Variants in SLC4A7 observed in about 807,000 individuals in gnomAD.
SLC4A7 encodes the protein sodium bicarbonate cotransporter 3.
In SLC4A7, 51 loss-of-function variants were observed where a neutral mutation model predicts 137.6. The observed-to-expected ratio is 0.37, with a 90% CI of 0.30 to 0.47. The LOEUF (loss-of-function observed/expected upper bound fraction) is 0.47, where lower values mean the gene tolerates loss of function less well. Ranked by LOEUF, SLC4A7 falls within the 20% of genes least tolerant of loss-of-function variation. The pLI, the probability that SLC4A7 is intolerant of heterozygous loss-of-function variation, is 1.00. For synonymous variants in SLC4A7, 542 were observed against 518.6 expected, an observed-to-expected ratio of 1.05 and a Z score of -0.61; for missense variants, 1,247 against 1,525.4, an observed-to-expected ratio of 0.82 and a Z score of 3.04.
At chr3:27,468,482 G>A (rs2059100560) in intron 1 of SLC4A7, among the ~76,000 whole-genome samples, 1 of 152,184 alleles carries the variant, frequency 6.6e-6, no homozygotes, top group African/African-American at 2.4e-5. Flanking sequence ...TGAGGTGGAG[G>A]ATTGCTTGAG....
intron 5 of SLC4A7, 27 bp downstream of exon 5, chr3:27,436,361 A>G: frequency 6.3e-7 from 1 of 1,576,772 alleles, no homozygotes; most frequent in East Asian, 2.2e-5. Context: ...CACCTTACAT[A>G]TTTTTTAAAA....
chr3:27,426,540 G>A (rs182057228), intron 7 of SLC4A7, among the ~76,000 whole-genome samples: 9 of 152,132 alleles, frequency 5.9e-5, no homozygotes, highest in Admixed American at 2.0e-4. Context: ...CATACATAAC[G>A]CACAGTTTTC....
At chr3:27,392,956 T>C (rs903164914) in intron 20 of SLC4A7, among the ~76,000 whole-genome samples, 2 of 152,042 alleles carry the variant, frequency 1.3e-5, no homozygotes, top group African/African-American at 2.4e-5. Flanking sequence ...AAGACCAATA[T>C]AATGATATGA....
chr3:27,418,351 T>A, intron 11 of SLC4A7, 135 bp downstream of exon 11: 2 of 640,634 alleles, frequency 3.1e-6, no homozygotes, highest in South Asian at 2.1e-5. Context: ...CCACAGGAGG[T>A]AAGTATGGGG....
At chr3:27,471,146 C>T (rs114077931) in intron 1 of SLC4A7, among the ~76,000 whole-genome samples, 2,238 of 152,242 alleles carry the variant, frequency 0.015, 22 homozygotes, top group Middle Eastern at 0.041. Flanking sequence ...CTACTATTTG[C>T]AACGTATTGT....
intron 3 of SLC4A7, among the ~76,000 whole-genome samples, chr3:27,439,475 T>C (rs970276261): frequency 1.3e-5 from 2 of 152,216 alleles, no homozygotes; most frequent in African/African-American, 4.8e-5. Flanking sequence ...GCACAAATCT[T>C]TGTCAGAATG....
intron 1 of SLC4A7, among the ~76,000 whole-genome samples, chr3:27,463,692 C>T (rs778503457): frequency 2.6e-5 from 4 of 152,064 alleles, no homozygotes; most frequent in Non-Finnish European, 4.4e-5. Flanking sequence ...CGCCATTTGC[C>T]GGGGGGAAGA....
intron 3 of SLC4A7, among the ~76,000 whole-genome samples, chr3:27,438,977 A>C (rs529010460): frequency 6.6e-6 from 1 of 152,356 alleles, no homozygotes; most frequent in African/African-American, 2.4e-5. Context: ...AACCCGAAAC[A>C]GATGAATTAG....
At chr3:27,386,594 T>C (rs1411830524) in intron 22 of SLC4A7, among the ~76,000 whole-genome samples, 1 of 152,152 alleles carries the variant, frequency 6.6e-6, no homozygotes, top group African/African-American at 2.4e-5. Context: ...GTTTATGCAT[T>C]TATGAGTTCT....
Position 27,379,242 on chromosome 3 carries a change from T to A in SLC4A7, c.3698+7A>T. 1 of 1,463,240 alleles carries A rather than the reference T, an allele frequency of 6.8e-7. No homozygotes were observed. The highest frequency in any genetic ancestry group is 9.3e-7 in the Non-Finnish European group (1 of 1,080,356). The allele number at this position is 1,463,240 out of a possible 1,614,324, so 90.6% of individuals were successfully genotyped here. A position where few individuals can be genotyped will look rare whatever the true frequency, so the allele number is the denominator to read the frequency against. ...CAGTTAGAAAACACACAAATAGTTA[T>A]AACTACCTCATGTTAGATCTGGTTA... On this transcript the variant is annotated splice_region_variant and intron_variant, in intron 25 of 25. Coordinates refer to ENST00000454389, the MANE Select transcript of SLC4A7 (RefSeq NM_001321103.2).
rs370829741 is a variant in SLC4A7, at chr3:27,424,197, T to C, written c.1151-45A>G. 1.2e-5 allele frequency: 11 copies of C among 940,558 alleles called. No homozygotes were observed. The African/African-American group carries it at 1.7e-4, about 14-fold the overall frequency. 58.3% of individuals were successfully genotyped at this position (940,558 alleles called of 1,614,324 possible). A position where few individuals can be genotyped will look rare whatever the true frequency, so the allele number is the denominator to read the frequency against. ...CCAAATTAGTAAGGAGAAAATTCAC[T>C]TTGCAACCTGATTCTGCTCACATTC... On this transcript the variant is annotated intron_variant, in intron 7 of 25. Coordinates refer to ENST00000454389, the MANE Select transcript of SLC4A7 (RefSeq NM_001321103.2).
intron 1 of SLC4A7, among the ~76,000 whole-genome samples, chr3:27,483,370 G>C (rs2059797167): frequency 6.6e-6 from 1 of 152,224 alleles, no homozygotes; most frequent in Non-Finnish European, 1.5e-5. Context: ...GCACCAGACA[G>C]CTCAGGACAC....
At chr3:27,460,938 G>C (rs975067000) in intron 1 of SLC4A7, among the ~76,000 whole-genome samples, 4 of 151,998 alleles carry the variant, frequency 2.6e-5, no homozygotes, top group African/African-American at 7.2e-5. Context: ...ACTCCCAGTA[G>C]ACCTTTACAA....
In SLC4A7 at chr3:27,484,080, C is replaced by A; in HGVS notation, c.47G>T (p.Arg16Leu). 7.1e-7 allele frequency: 1 copy of A among 1,410,232 alleles called. No individual in the cohort carries two copies. The highest frequency in any genetic ancestry group is 9.3e-7 in the Non-Finnish European group (1 of 1,078,242). 87.4% of individuals were successfully genotyped at this position (1,410,232 alleles called of 1,614,324 possible). The change falls in exon 1 of 26, where the codon CGG becomes CTG. Residue 16 changes from arginine to leucine, a missense_variant. Arg to Leu is a moderately radical substitution (Grantham distance 102). This residue lies in a region of SLC4A7 where 176 missense variants were observed against 186.4 expected (regional missense o/e 0.94). Coordinates refer to ENST00000454389, the MANE Select transcript of SLC4A7 (RefSeq NM_001321103.2). ...CGGCGCCCTCACCCTGCTCGTTACCCGGGTGAGTAGCGGTCTCATCTGCTC... is the reference window on the plus strand; with the variant it reads ...CGGCGCCCTCACCCTGCTCGTTACCAGGGTGAGTAGCGGTCTCATCTGCTC... ...AGEQMRPLLT[R>L]VTSRGPDEEA...
At chr3:27,468,485 T>G (rs1249636163) in intron 1 of SLC4A7, among the ~76,000 whole-genome samples, 1 of 152,136 alleles carries the variant, frequency 6.6e-6, no homozygotes, top group Non-Finnish European at 1.5e-5. Flanking sequence ...GGTGGAGGAT[T>G]GCTTGAGCCC....
intron 20 of SLC4A7, among the ~76,000 whole-genome samples, chr3:27,393,368 T>A (rs2051789799): frequency 6.6e-6 from 1 of 152,208 alleles, no homozygotes; most frequent in Non-Finnish European, 1.5e-5. Context: ...AAGAAAACTA[T>A]TTTGAATATC....
rs752270669 is a variant in SLC4A7, at chr3:27,379,343, T to C, written c.3604A>G (p.Ile1202Val). 3.2e-5 allele frequency: 49 copies of C among 1,528,148 alleles called. No homozygotes were observed. The highest frequency in any genetic ancestry group is 1.7e-4 in the Middle Eastern group (1 of 5,986). 94.7% of individuals were successfully genotyped at this position (1,528,148 alleles called of 1,614,324 possible). A position where few individuals can be genotyped will look rare whatever the true frequency, so the allele number is the denominator to read the frequency against. ...KALKYSVDPS[I>V]VNISDEMAKT... ...GCCATTTCATCTGATATGTTAACAA[T>C]TGAGGGATCAACACTGAAGAACAAA... Residue 1202 changes from isoleucine (I) to valine (V), a missense_variant, in exon 25 of 26, where the codon ATT (isoleucine) becomes GTT (valine). Around this residue, in one of 6 missense-constraint regions of SLC4A7, gnomAD observed 290 missense variants for 323.8 expected, o/e 0.90. Transcript: ENST00000454389.
intron 23 of SLC4A7, 28 bp downstream of exon 23, chr3:27,385,864 T>C: frequency 2.1e-6 from 3 of 1,428,860 alleles, no homozygotes; most frequent in Non-Finnish European, 2.9e-6. Flanking sequence ...AAGGAAGTGG[T>C]GTAAGTTTAA....
chr3:27,402,596 G>C (rs1197039516), intron 15 of SLC4A7, among the ~76,000 whole-genome samples: 1 of 151,998 alleles, frequency 6.6e-6, no homozygotes, highest in Non-Finnish European at 1.5e-5. Context: ...GCTACTGGTG[G>C]GCTGAGGCAG....
Sources: allele counts gnomAD v4.1 joint callset (sites outside exome capture counted in the v4.1 genomes callset), GRCh38; gene constraint gnomAD v4.1.1; regional missense constraint gnomAD v4.1.1; transcripts MANE v1.5; gene names NCBI Gene and HGNC (gene_info 2026-07-23, HGNC 2026-07-21).